FBXL18: variants seen among roughly 807,000 people sequenced by gnomAD.
FBXL18 encodes F-box/LRR-repeat protein 18.
FBXL18 carries 36 observed loss-of-function variants against 46.0 expected under a neutral mutation model. That is an observed-to-expected ratio of 0.78 (90% CI 0.60 to 1.03). The LOEUF (loss-of-function observed/expected upper bound fraction) is 1.03. Among genes scored for constraint, FBXL18 ranks in the 50% least tolerant of loss-of-function variants. The pLI, the probability that FBXL18 is intolerant of heterozygous loss-of-function variation, is 0.00. For missense variants in FBXL18, 977 were observed against 1,004.1 expected (o/e 0.97, Z 0.36); for synonymous variants, 557 against 465.3 (o/e 1.20, Z -2.54).
Position 5,479,512 on chromosome 7 carries a change from GTC to G in FBXL18, c.*2261_*2262del, listed in dbSNP as rs1783591772. 6.6e-6 allele frequency: 1 copy of G among 152,260 alleles called. No individual in the cohort carries two copies. The highest frequency in any genetic ancestry group is 2.4e-5 in the African/African-American group (1 of 41,458). 9.4% of individuals were successfully genotyped at this position (152,260 alleles called of 1,614,324 possible). A position where few individuals can be genotyped will look rare whatever the true frequency, so the allele number is the denominator to read the frequency against. On this transcript the variant is annotated 3_prime_UTR_variant, in exon 5 of 5. Transcript: ENST00000382368. ...CCCGATCTGATCGCCGCGCCTGGTG[GTC>G]TCCAGGTGCCATTTTAAAGCTCTAA...
intron 1 of FBXL18, among the ~76,000 whole-genome samples, chr7:5,510,593 G>A (rs983402289): frequency 4.6e-5 from 7 of 151,344 alleles, no homozygotes; most frequent in African/African-American, 1.5e-4. Context: ...GGCAGAAGTG[G>A]GAGGATCACC....
chr7:5,507,331 G>T (rs1019756551), intron 1 of FBXL18, among the ~76,000 whole-genome samples: 10 of 152,148 alleles, frequency 6.6e-5, no homozygotes, highest in Admixed American at 2.6e-4. Flanking sequence ...CTCCAGACAG[G>T]ATTCCCATCC....
In FBXL18 at chr7:5,501,678, C is replaced by G; in HGVS notation, c.591G>C (p.Leu197=). Residue 197 remains leucine, a synonymous_variant, in exon 3 of 5, where the codon CTG becomes CTC. Coordinates refer to ENST00000382368, the MANE Select transcript of FBXL18 (RefSeq NM_024963.6). ...GGTCCAGAATCTCGAAGTAGAGCAG[C>G]AGCTTCTCTAGGCTGGTGCAGCAGG... The part of the protein sequence containing the change: ...VVPCCTSLEK[L]LLYFEILDRT... 1 of 1,608,038 alleles carries G rather than the reference C, an allele frequency of 6.2e-7. No homozygotes were observed.
intron 4 of FBXL18, among the ~76,000 whole-genome samples, chr7:5,466,857 C>T (rs559085905): frequency 2.0e-5 from 3 of 152,180 alleles, no homozygotes; most frequent in Non-Finnish European, 4.4e-5. Flanking sequence ...AGCTGGAGGT[C>T]GCCCCATCTC....
chr7:5,462,532 G>T (rs62441003), intron 4 of FBXL18, among the ~76,000 whole-genome samples: 34,153 of 152,006 alleles, frequency 0.22, 4,600 homozygotes, highest in East Asian at 0.7. Context: ...TACCCAGCTC[G>T]CCATGGATTG....
chr7:5,481,685 T>C lies in FBXL18; in HGVS notation c.*90A>G. On this transcript the variant is annotated 3_prime_UTR_variant, in exon 5 of 5. Coordinates refer to ENST00000382368, the MANE Select transcript of FBXL18 (RefSeq NM_024963.6). ...GTGGCTGGCCGGGAGAGAGGCCCCC[T>C]TCCTCTTGTGACAAACCAAGGGTCC... 1 of 1,429,332 alleles carries C rather than the reference T, an allele frequency of 7.0e-7. No homozygotes were observed. The highest frequency in any genetic ancestry group is 9.6e-7 in the Non-Finnish European group (1 of 1,036,944). 88.5% of individuals were successfully genotyped at this position (1,429,332 alleles called of 1,614,324 possible).
downstream of FBXL18, chr7:5,475,702 C>T (rs1330219500): frequency 1.3e-5 from 2 of 152,360 alleles, no homozygotes; most frequent in Admixed American, 1.3e-4. This position sits in a 1 kb window ranked among gnomAD's most constrained non-coding sequence, Gnocchi z 4.2. Context: ...CGCCCCCAAC[C>T]ATCGGAAGTG....
chr7:5,469,009 T>C (rs1174906764), intron 4 of FBXL18, among the ~76,000 whole-genome samples: 1 of 151,858 alleles, frequency 6.6e-6, no homozygotes, highest in Non-Finnish European at 1.5e-5. Context: ...GAGTGTGTGG[T>C]GTGCGGGTGT....
rs781659377 is a variant in FBXL18 at position 5,513,608 on chromosome 7, A to G, written c.18+49T>C. 2.9e-5 allele frequency: 47 copies of G among 1,606,946 alleles called. No homozygotes were observed. The Admixed American group carries it at 7.7e-4, about 26-fold the overall frequency. On this transcript the variant is annotated intron_variant, in intron 1 of 4. Coordinates refer to ENST00000382368, the MANE Select transcript of FBXL18 (RefSeq NM_024963.6). ...GGTCGGGATGGAAGAACCCAGGGAG[A>G]CCGAGGCCGCCGAGGCAGAAGCAGA...
intron 4 of FBXL18, among the ~76,000 whole-genome samples, chr7:5,469,094 G>T (rs746686617): frequency 6.6e-6 from 1 of 152,116 alleles, no homozygotes; most frequent in Admixed American, 6.6e-5. Flanking sequence ...ATGTCTGAGT[G>T]ACTATGTATG....
Position 5,501,793 on chromosome 7 carries a change from G to A in FBXL18, c.476C>T (p.Ala159Val). Residue 159 changes from alanine to valine, a missense_variant, in exon 3 of 5, where the codon GCC (alanine) becomes GTC (valine). Transcript: ENST00000382368. ...CTTGCACTCGCTGCTCAGCTGGCTGGCGTCGAAGCCGGGGCTCACGTCGAT... is the reference window on the plus strand; with the variant it reads ...CTTGCACTCGCTGCTCAGCTGGCTGACGTCGAAGCCGGGGCTCACGTCGAT... ...LAIDVSPGFD[A>V]SQLSSECKAT... The A allele has an allele frequency of 1.3e-6, 2 of 1,565,612 alleles. No homozygotes were observed. Among genetic ancestry groups the A allele is most frequent in the Non-Finnish European group, 8.7e-7 (1 of 1,155,152 alleles).
chr7:5,499,738 A>C (rs1215961885), intron 3 of FBXL18, among the ~76,000 whole-genome samples: 1 of 149,860 alleles, frequency 6.7e-6, no homozygotes. Flanking sequence ...TCTCAAAAAA[A>C]AAAAAAGAAA....
At chr7:5,488,373 C>T (rs965542125) in intron 4 of FBXL18, among the ~76,000 whole-genome samples, 13 of 152,218 alleles carry the variant, frequency 8.5e-5, no homozygotes, top group Non-Finnish European at 1.8e-4. Context: ...GCAGGCTCAT[C>T]GGAGCAGGAG....
At chr7:5,509,067 C>T (rs1207894677) in intron 1 of FBXL18, among the ~76,000 whole-genome samples, 1 of 151,782 alleles carries the variant, frequency 6.6e-6, no homozygotes, top group African/African-American at 2.4e-5. Context: ...GTGGCACACG[C>T]CTATAGTCCC....
Position 5,479,918 on chromosome 7 carries a change from A to G in FBXL18, c.*1857T>C. 1 of 152,550 alleles carries G rather than the reference A, an allele frequency of 6.6e-6. No homozygotes were observed. Among genetic ancestry groups the G allele is most frequent in the Non-Finnish European group, 1.5e-5 (1 of 68,220 alleles). The allele number at this position is 152,550 out of a possible 1,614,324, so 9.4% of individuals were successfully genotyped here. A position where few individuals can be genotyped will look rare whatever the true frequency, so the allele number is the denominator to read the frequency against. On this transcript the variant is annotated 3_prime_UTR_variant, in exon 5 of 5. Coordinates refer to ENST00000382368, the MANE Select transcript of FBXL18 (RefSeq NM_024963.6). ...GAAGTGGGAGGAGACCTCAAACCCC[A>G]GATCCACCTGTGCCAGTGAGCAGAG...
chr7:5,504,321 T>C (rs562832478), intron 2 of FBXL18, among the ~76,000 whole-genome samples: 3 of 150,754 alleles, frequency 2.0e-5, no homozygotes, highest in African/African-American at 7.3e-5. Context: ...TCCCAGCTAC[T>C]TAGGAGGCTG....
At chr7:5,487,332 T>A (rs1357669058) in intron 4 of FBXL18, among the ~76,000 whole-genome samples, 1 of 152,242 alleles carries the variant, frequency 6.6e-6, no homozygotes, top group Admixed American at 6.5e-5. Context: ...GGTATCTGAC[T>A]GCCAGCAGGG....
intron 4 of FBXL18, among the ~76,000 whole-genome samples, chr7:5,484,567 C>A (rs747711315): frequency 8.6e-5 from 13 of 150,926 alleles, no homozygotes; most frequent in Non-Finnish European, 1.8e-4. Context: ...GACTGGAGTG[C>A]AGTGGCACAA....
Position 5,501,744 on chromosome 7 carries a change from C to A in FBXL18, c.525G>T (p.Glu175Asp). The change falls in exon 3 of 5, where the codon GAG becomes GAT. Residue 175 changes from glutamate to aspartate, a missense_variant. Glu to Asp is a conservative substitution (Grantham distance 45). Transcript: ENST00000382368. Reference protein sequence around the residue: ...ECKATLSRVRELKQTLFTPSY... With the variant: ...ECKATLSRVRDLKQTLFTPSY... The stretch of plus-strand genomic sequence containing the variant: ...AGGGAGTGAACAGCGTCTGCTTGAG[C>A]TCCCGCACGCGGCTCAGGGTGGCCT... The A allele has an allele frequency of 1.9e-6, 3 of 1,561,882 alleles. No homozygotes were observed. Among genetic ancestry groups the A allele is most frequent in the East Asian group, 2.4e-5 (1 of 41,832 alleles).
Sources: allele counts gnomAD v4.1 joint callset (sites outside exome capture counted in the v4.1 genomes callset), GRCh38; gene constraint gnomAD v4.1.1; non-coding constraint Gnocchi (gnomAD v3.1); transcripts MANE v1.5; gene names NCBI Gene and HGNC (gene_info 2026-07-23, HGNC 2026-07-21).